The following CALCR variants were observed in gnomAD, a reference collection of about 807,000 sequenced individuals.
The protein encoded by CALCR is calcitonin receptor.
Under a neutral mutation model 59.5 loss-of-function variants are expected in CALCR, and 47 were observed. That is an observed-to-expected ratio of 0.79 (90% confidence interval 0.63 to 1.01). CALCR has a LOEUF of 1.01. Among genes scored for constraint, CALCR ranks in the 50% least tolerant of loss-of-function variants. CALCR has a pLI of 0.00. For synonymous variants in CALCR, 213 were observed against 211.3 expected, an observed-to-expected ratio of 1.01 and a Z score of -0.07; for missense variants, 566 against 597.1, an observed-to-expected ratio of 0.95 and a Z score of 0.54.
At chr7:93,501,813 C>T (rs1169276314) in intron 2 of CALCR, among the ~76,000 whole-genome samples, 1 of 152,070 alleles carries the variant, frequency 6.6e-6, no homozygotes, top group Non-Finnish European at 1.5e-5. Flanking sequence ...GTCGCTTTCC[C>T]TAAAGGAACC....
At chr7:93,565,256 T>C (rs1344940779) in intron 2 of CALCR, among the ~76,000 whole-genome samples, 1 of 152,224 alleles carries the variant, frequency 6.6e-6, no homozygotes, top group African/African-American at 2.4e-5. Context: ...CTTTAATGAA[T>C]GCACTGGGCT....
At chr7:93,557,747 G>C (rs1789645024) in intron 2 of CALCR, among the ~76,000 whole-genome samples, 2 of 151,888 alleles carry the variant, frequency 1.3e-5, no homozygotes, top group South Asian at 4.2e-4. Context: ...ATGATAGAAG[G>C]TAGATATCTG....
chr7:93,561,466 A>G (rs1000701733), intron 2 of CALCR, among the ~76,000 whole-genome samples: 5 of 152,188 alleles, frequency 3.3e-5, no homozygotes, highest in African/African-American at 1.2e-4. Context: ...AAAATTTTCC[A>G]GATAAATAAA....
At chr7:93,438,362 T>TAA in intron 9 of CALCR, 92 bp from the exon 10 acceptor site, 2 of 917,266 alleles carry the variant, frequency 2.2e-6, no homozygotes, top group Non-Finnish European at 3.6e-6. Flanking sequence ...CTTGCAAAAA[T>TAA]ACTGGCAAAT....
intron 8 of CALCR, among the ~76,000 whole-genome samples, chr7:93,448,424 A>G (rs1290991388): frequency 6.6e-6 from 1 of 152,000 alleles, no homozygotes. Context: ...CATACTTTAG[A>G]TAAGCTCTTT....
intron 8 of CALCR, among the ~76,000 whole-genome samples, chr7:93,459,229 T>C (rs1033131011): frequency 3.3e-5 from 5 of 152,166 alleles, no homozygotes; most frequent in Non-Finnish European, 7.4e-5. Flanking sequence ...ATCAACCAGT[T>C]TGGTGTTACT....
intron 2 of CALCR, among the ~76,000 whole-genome samples, chr7:93,554,792 T>TATA (rs60870213): frequency 8.1e-5 from 11 of 135,788 alleles, no homozygotes; most frequent in South Asian, 2.3e-4. Flanking sequence ...TATATATATA[T>TATA]TATACGTACA....
chr7:93,436,392 G>A (rs1260700591), intron 11 of CALCR, among the ~76,000 whole-genome samples: 2 of 152,122 alleles, frequency 1.3e-5, no homozygotes, highest in African/African-American at 4.8e-5. Flanking sequence ...AGTTCCAGTT[G>A]CTCATCACCC....
intron 3 of CALCR, among the ~76,000 whole-genome samples, chr7:93,480,534 T>C (rs191773049): frequency 6.6e-6 from 1 of 152,012 alleles, no homozygotes; most frequent in African/African-American, 2.4e-5. Context: ...AGAAGTGGTG[T>C]TATGTACTCT....
chr7:93,526,993 T>A (rs1400511491), intron 2 of CALCR, among the ~76,000 whole-genome samples: 1 of 151,960 alleles, frequency 6.6e-6, no homozygotes, highest in African/African-American at 2.4e-5. Context: ...AGTAAAATAG[T>A]TTTTTTGGGA....
intron 2 of CALCR, among the ~76,000 whole-genome samples, chr7:93,560,180 C>T (rs1482775536): frequency 1.3e-5 from 2 of 152,052 alleles, no homozygotes; most frequent in Non-Finnish European, 2.9e-5. Context: ...CATACTTCTG[C>T]TTTCTCTTTA....
At chr7:93,468,606 G>T in intron 7 of CALCR, 109 bp downstream of exon 7, 8 of 621,432 alleles carry the variant, frequency 1.3e-5, no homozygotes, top group South Asian at 2.3e-5. Context: ...GTTGCATGTC[G>T]CTTGTAATTT....
intron 6 of CALCR, among the ~76,000 whole-genome samples, chr7:93,470,606 A>T (rs983126736): frequency 2.0e-5 from 3 of 151,196 alleles, no homozygotes; most frequent in Non-Finnish European, 4.4e-5. Flanking sequence ...TAAATCAACA[A>T]CTCATAATTT....
At chr7:93,494,656 G>A (rs1411353472) in intron 2 of CALCR, among the ~76,000 whole-genome samples, 3 of 151,322 alleles carry the variant, frequency 2.0e-5, no homozygotes, top group African/African-American at 7.3e-5. Flanking sequence ...GTTGTCCTGG[G>A]TTAAACAATG....
intron 13 of CALCR, among the ~76,000 whole-genome samples, chr7:93,430,270 G>A (rs943064695): frequency 3.3e-5 from 5 of 152,076 alleles, no homozygotes; most frequent in African/African-American, 1.2e-4. Context: ...AGCTAGATTC[G>A]TATTAAGCCC....
At chr7:93,471,069 G>A (rs1021155067) in intron 6 of CALCR, among the ~76,000 whole-genome samples, 4 of 151,634 alleles carry the variant, frequency 2.6e-5, no homozygotes, top group African/African-American at 9.7e-5. Context: ...AATGTGAAAA[G>A]CATTTTAATC....
intron 8 of CALCR, among the ~76,000 whole-genome samples, chr7:93,453,460 C>G (rs2115771458): frequency 6.6e-6 from 1 of 152,086 alleles, no homozygotes; most frequent in East Asian, 1.9e-4. Flanking sequence ...CAGCTAAGCA[C>G]AACAAATATC....
chr7:93,443,745 T>C lies in CALCR; in HGVS notation c.661A>G (p.Ile221Val), dbSNP rs1437764796. ...LVRRDPVSCK[I>V]LHFFHQYMMA... ...ATGTACTGGTGGAAAAAATGCAAAA[T>C]CTTGCAGCTCACCTGTCAGAAAGAA... Residue 221 changes from isoleucine (I) to valine (V), a missense_variant, in exon 9 of 14, where the codon ATT (isoleucine) becomes GTT (valine). Coordinates refer to ENST00000426151, the MANE Select transcript of CALCR (RefSeq NM_001742.4). 1.2e-6 allele frequency: 2 copies of C among 1,612,546 alleles called. No individual in the cohort carries two copies. Among genetic ancestry groups the C allele is most frequent in the East Asian group, 2.2e-5 (1 of 44,834 alleles).
chr7:93,433,127 GC>G (rs1333740170), intron 13 of CALCR, among the ~76,000 whole-genome samples: 3 of 152,178 alleles, frequency 2.0e-5, no homozygotes, highest in Non-Finnish European at 4.4e-5. Flanking sequence ...TTGTCATGTT[GC>G]GGTTGGAAAC....
Sources: allele counts gnomAD v4.1 joint callset (sites outside exome capture counted in the v4.1 genomes callset), GRCh38; gene constraint gnomAD v4.1.1; transcripts MANE v1.5; gene names NCBI Gene and HGNC (gene_info 2026-07-23, HGNC 2026-07-21).